The following MYOM1 variants were observed in gnomAD, a reference collection of about 807,000 sequenced individuals.
MYOM1 encodes the protein myomesin-1.
Under a neutral mutation model 205.3 loss-of-function variants are expected in MYOM1, and 164 were observed. The observed-to-expected ratio is 0.80, with a 90% CI of 0.70 to 0.91. The LOEUF (loss-of-function observed/expected upper bound fraction) is 0.91. MYOM1 is among the 40% of genes least tolerant of loss of function. The pLI is 0.00. For missense variants in MYOM1, 2,011 were observed against 2,127.3 expected (o/e 0.95, Z 1.08); for synonymous variants, 772 against 789.4 (o/e 0.98, Z 0.37).
At chr18:3,237,826 G>T in the MYOM1 span, among the ~76,000 whole-genome samples, 20 of 152,218 alleles carry the variant, frequency 1.3e-4, no homozygotes, top group African/African-American at 4.8e-4. Flanking sequence ...AATGGTCATA[G>T]AATTTCAGTT....
intron 33 of MYOM1, among the ~76,000 whole-genome samples, chr18:3,083,414 TCTTTTTCTTTTTC>T: frequency 1.1e-4 from 10 of 93,126 alleles, no homozygotes; most frequent in African/African-American, 4.3e-4. Context: ...TTTTCTTTTT[TCTTTTTCTTTTTC>T]TTTTTTTTTT....
intron 8 of MYOM1, 29 bp from the exon 9 acceptor site, chr18:3,169,010 AT>A (rs781112178): frequency 6.3e-6 from 10 of 1,580,488 alleles, no homozygotes; most frequent in South Asian, 4.6e-5. Flanking sequence ...AATATCAGTA[AT>A]TTTTTTCTTC....
Position 3,112,314 on chromosome 18 carries a change from C to T in MYOM1, c.3402G>A (p.Val1134=), listed in dbSNP as rs2079538967. ...GKPSDLAGPV[V]AETRPGTKEV... is the part of the protein sequence containing the mutation. ...AAAGCCCACCTGGACGGGTCTCTGC[C>T]ACAACAGGGCCAGCAAGGTCAGATG... is the stretch of plus-strand genomic sequence containing the variant. Residue 1134 remains valine, a synonymous_variant, in exon 22 of 38, where the codon GTG becomes GTA. Transcript: ENST00000356443. 12 of 1,613,058 alleles carry T rather than the reference C, an allele frequency of 7.4e-6. No individual in the cohort carries two copies. Among genetic ancestry groups the T allele is most frequent in the Middle Eastern group, 1.7e-4 (1 of 6,054 alleles).
intron 10 of MYOM1, 132 bp downstream of exon 10, chr18:3,164,146 T>C: frequency 9.9e-7 from 1 of 1,012,324 alleles, no homozygotes; most frequent in Non-Finnish European, 1.4e-6. Context: ...CGTGAGACAT[T>C]GCACCCTGCC....
chr18:3,147,868 A>T (rs1258844236), intron 13 of MYOM1, among the ~76,000 whole-genome samples: 1 of 152,234 alleles, frequency 6.6e-6, no homozygotes. Flanking sequence ...TAAATGCATC[A>T]CAGAGTGAAA....
chr18:3,223,670 T>A (rs532526739), upstream of MYOM1, among the ~76,000 whole-genome samples: 9 of 152,346 alleles, frequency 5.9e-5, no homozygotes, highest in African/African-American at 1.9e-4. Flanking sequence ...GCCTTGCTCA[T>A]AAGCAGATTA....
Position 3,131,405 on chromosome 18 carries a change from A to G in MYOM1, c.2476T>C (p.Ser826Pro). Residue 826 changes from serine to proline, a missense_variant, in exon 17 of 38, where the codon TCA becomes CCA. By Grantham distance (74) the Ser-to-Pro change is moderately conservative. Coordinates refer to ENST00000356443, the MANE Select transcript of MYOM1 (RefSeq NM_003803.4). ...GCAGCTTTGACTTCAATAGCTTCTG[A>G]ATCCTGGGAATATTCACTAAGTCCA... ...AAGLSEYSQD[S>P]EAIEVKAAIG... is the part of the protein sequence containing the mutation. 6.2e-7 allele frequency: 1 copy of G among 1,613,892 alleles called. No homozygotes were observed. Among genetic ancestry groups the G allele is most frequent in the South Asian group, 1.1e-5 (1 of 91,076 alleles).
chr18:3,170,152 T>G (rs998452833), intron 8 of MYOM1, among the ~76,000 whole-genome samples: 4 of 152,146 alleles, frequency 2.6e-5, no homozygotes, highest in Non-Finnish European at 5.9e-5. Flanking sequence ...GGAACTGTAG[T>G]GCAAGGGGAA....
intron 11 of MYOM1, among the ~76,000 whole-genome samples, chr18:3,153,339 G>T (rs1027399569): frequency 6.6e-6 from 1 of 152,158 alleles, no homozygotes; most frequent in Non-Finnish European, 1.5e-5. Flanking sequence ...GTGGTCTCGG[G>T]CCTCATTTCC....
At position 3,142,051 on chromosome 18, in the gene MYOM1, G is replaced by C. The variant is rs2080058422; in HGVS notation, c.1913C>G (p.Pro638Arg). ...GACAGAGAGGTCTGTCGGGGGGCCA[G>C]GCACAATACCCTCTGAAAAACAACA... ...TEEEPSEGIV[P>R]GPPTDLSVTE... Residue 638 changes from proline to arginine, a missense_variant, in exon 14 of 38, where the codon CCT becomes CGT. Pro to Arg is a moderately radical substitution (Grantham distance 103, BLOSUM62 -2). Transcript: ENST00000356443. 2.5e-6 allele frequency: 4 copies of C among 1,613,570 alleles called. No homozygotes were observed. The highest frequency in any genetic ancestry group is 1.6e-4 in the Middle Eastern group (1 of 6,062).
At chr18:3,082,446 T>G (rs760071422) in intron 33 of MYOM1, among the ~76,000 whole-genome samples, 7 of 152,204 alleles carry the variant, frequency 4.6e-5, no homozygotes, top group Admixed American at 1.3e-4. Context: ...GAATGGTGAA[T>G]GTGAAATGAA....
At chr18:3,076,373 A>C (rs923323272) in intron 34 of MYOM1, among the ~76,000 whole-genome samples, 1 of 152,112 alleles carries the variant, frequency 6.6e-6, no homozygotes, top group African/African-American at 2.4e-5. Context: ...CAGCCATAAA[A>C]GTCTGTTTCA....
At chr18:3,162,887 A>T (rs889963044) in intron 10 of MYOM1, among the ~76,000 whole-genome samples, 1 of 152,024 alleles carries the variant, frequency 6.6e-6, no homozygotes, top group Non-Finnish European at 1.5e-5. Flanking sequence ...TTAGCCGGGC[A>T]TGGTGGTGGG....
chr18:3,120,438 G>A (rs1026171322), intron 19 of MYOM1, among the ~76,000 whole-genome samples: 1 of 152,110 alleles, frequency 6.6e-6, no homozygotes, highest in Non-Finnish European at 1.5e-5. Flanking sequence ...ACTCACATTT[G>A]GAGAAAGGCA....
intron 29 of MYOM1, among the ~76,000 whole-genome samples, chr18:3,088,310 A>G (rs1041646261): frequency 6.6e-6 from 1 of 152,208 alleles, no homozygotes; most frequent in Non-Finnish European, 1.5e-5. Context: ...AGCAGCTGGG[A>G]TGAGAGAGAA....
At chr18:3,125,557 C>T in intron 19 of MYOM1, among the ~76,000 whole-genome samples, 1 of 141,934 alleles carries the variant, frequency 7.0e-6, no homozygotes, top group Non-Finnish European at 1.5e-5. Context: ...AGCGAAACTC[C>T]ATCTCAAAAA....
At chr18:3,159,913 CCT>C (rs2080358153) in intron 10 of MYOM1, among the ~76,000 whole-genome samples, 1 of 142,856 alleles carries the variant, frequency 7.0e-6, no homozygotes, top group Non-Finnish European at 1.5e-5. Context: ...TTCCTTCCTT[CCT>C]TCCTTCCTTC....
chr18:3,118,672 C>T (rs961698123), intron 20 of MYOM1, among the ~76,000 whole-genome samples: 2 of 152,098 alleles, frequency 1.3e-5, no homozygotes, highest in Non-Finnish European at 2.9e-5. Flanking sequence ...TTCTACAGGC[C>T]TGCTCGGAAT....
At chr18:3,243,659 C>T in the MYOM1 span, among the ~76,000 whole-genome samples, 17 of 152,104 alleles carry the variant, frequency 1.1e-4, no homozygotes, top group Non-Finnish European at 2.1e-4. Flanking sequence ...TACTGTTTTC[C>T]TTTCTATTCT....
Sources: gnomAD v4.1 joint callset for allele counts (sites outside exome capture counted in the v4.1 genomes callset) on GRCh38, gnomAD v4.1.1 for gene constraint, MANE v1.5 for transcripts, NCBI Gene and HGNC (gene_info 2026-07-23, HGNC 2026-07-21) for gene names.